ROBO1: variants seen among roughly 807,000 people sequenced by gnomAD.
The protein encoded by ROBO1 is roundabout homolog 1.
Under a neutral mutation model 195.9 loss-of-function variants are expected in ROBO1, and 149 were observed. The ratio of observed to expected loss-of-function variants is 0.76; its 90% CI spans 0.67 to 0.87. The LOEUF is 0.87. Among genes scored for constraint, ROBO1 ranks in the 40% least tolerant of loss-of-function variants. The pLI is 0.00. For missense variants in ROBO1, 1,933 were observed against 2,068.3 expected, an observed-to-expected ratio of 0.93 and a Z score of 1.27; for synonymous variants, 816 against 733.2, an observed-to-expected ratio of 1.11 and a Z score of -1.82.
At chr3:79,389,221 A>C (rs1370033404) in intron 2 of ROBO1, among the ~76,000 whole-genome samples, 3 of 152,044 alleles carry the variant, frequency 2.0e-5, no homozygotes, top group Non-Finnish European at 4.4e-5. Context: ...AAACAAACCT[A>C]ACTACACATA....
At chr3:79,538,716 G>C (rs1396705709) in intron 2 of ROBO1, among the ~76,000 whole-genome samples, 1 of 152,092 alleles carries the variant, frequency 6.6e-6, no homozygotes, top group Non-Finnish European at 1.5e-5. Flanking sequence ...TCCTACTGCT[G>C]TTTGGTTACA....
intron 4 of ROBO1, among the ~76,000 whole-genome samples, chr3:78,935,909 T>C (rs1186409112): frequency 3.3e-5 from 5 of 152,050 alleles, no homozygotes; most frequent in Non-Finnish European, 7.4e-5. Context: ...TCCAATTTTT[T>C]GACTTTATAA....
chr3:79,334,335 T>A (rs1403710568), intron 2 of ROBO1, among the ~76,000 whole-genome samples: 2 of 146,016 alleles, frequency 1.4e-5, no homozygotes, highest in African/African-American at 2.5e-5. Context: ...TATATATGTG[T>A]ATATATATGT....
intron 2 of ROBO1, among the ~76,000 whole-genome samples, chr3:79,581,241 CTT>C: frequency 6.6e-6 from 1 of 152,124 alleles, no homozygotes; most frequent in East Asian, 1.9e-4. Context: ...GTTAGCGCCT[CTT>C]TCTATTAACC....
chr3:78,963,315 AAAGTT>A (rs1175644493), intron 3 of ROBO1, among the ~76,000 whole-genome samples: 1 of 151,820 alleles, frequency 6.6e-6, no homozygotes, highest in Non-Finnish European at 1.5e-5. Flanking sequence ...AAGACAATCA[AAAGTT>A]AAGTGAAGTG....
intron 3 of ROBO1, among the ~76,000 whole-genome samples, chr3:78,982,220 T>C (rs553678138): frequency 1.2e-4 from 18 of 152,318 alleles, no homozygotes; most frequent in African/African-American, 4.3e-4. Context: ...CGGAATTACC[T>C]ACACCCCAAT....
chr3:79,120,507 G>C (rs1423542510), intron 3 of ROBO1, among the ~76,000 whole-genome samples: 1 of 152,082 alleles, frequency 6.6e-6, no homozygotes, highest in African/African-American at 2.4e-5. Flanking sequence ...ATGCTTTCTG[G>C]AGGACAGGCT....
At chr3:78,883,806 C>G (rs2036332173) in intron 4 of ROBO1, among the ~76,000 whole-genome samples, 1 of 152,126 alleles carries the variant, frequency 6.6e-6, no homozygotes, top group African/African-American at 2.4e-5. Context: ...TATCTGACAT[C>G]TAAAGTTTTT....
rs184707689 is a variant in ROBO1 at position 79,417,311 on chromosome 3, G to T, written c.88+172513C>A. ...TGCAGCCTGTGGAGAGGCTCACATA[G>T]CAAGAAACTGAGGGTTAGTCCACTA... On this transcript the variant is annotated intron_variant, in intron 2 of 30. Coordinates refer to ENST00000464233, the MANE Select transcript of ROBO1 (RefSeq NM_002941.4). Among the ~76,000 whole-genome samples, 435 of 152,186 alleles carry T rather than the reference G, an allele frequency of 2.9e-3. 2 individuals carry two copies. Among genetic ancestry groups the T allele is most frequent in the African/African-American group, 9.1e-3 (377 of 41,540 alleles).
At chr3:79,717,933 T>C (rs895756812) in intron 1 of ROBO1, among the ~76,000 whole-genome samples, 1 of 152,010 alleles carries the variant, frequency 6.6e-6, no homozygotes, top group African/African-American at 2.4e-5. Flanking sequence ...TTTTTGATTT[T>C]TGGACAGTCC....
chr3:79,071,153 T>G (rs2079081335), intron 3 of ROBO1, among the ~76,000 whole-genome samples: 1 of 151,852 alleles, frequency 6.6e-6, no homozygotes. Context: ...GTATAATAGA[T>G]CTCCTGACCT....
At position 78,962,204 on chromosome 3, in the gene ROBO1, AAAG is replaced by A. The variant is rs777156412; in HGVS notation, c.173-23280_173-23278del. 5.9e-5 allele frequency among the ~76,000 whole-genome samples: 9 copies of A among 152,282 alleles called. No homozygotes were observed. In the East Asian group the frequency reaches 9.7e-4, roughly 16 times the overall value. On this transcript the variant is annotated intron_variant, in intron 3 of 30. Transcript: ENST00000464233. ...AGTAAAACTTTCCATAAAAGACACT[AAAG>A]AAGAGATGTTCTTTGCCTGTTCAGG...
Position 78,717,769 on chromosome 3 carries a change from C to G in ROBO1, c.772G>C (p.Val258Leu). The change falls in exon 6 of 31, where the codon GTC (valine) becomes CTC (leucine). Residue 258 changes from valine (V) to leucine (L), a missense_variant. By Grantham distance (32) the Val-to-Leu change is conservative (BLOSUM62 1). Around this residue, in one of 3 missense-constraint regions of ROBO1, gnomAD observed 1,737 missense variants for 1,882.5 expected, o/e 0.92. Coordinates refer to ENST00000464233, the MANE Select transcript of ROBO1 (RefSeq NM_002941.4). Reference protein sequence around the residue: ...ERESEVAELTVLERPSFVKRP... With the variant: ...ERESEVAELTLLERPSFVKRP... ...TAAATAAAATTACACTTACCTAAGA[C>G]AGTCAGCTCGGCTACTTCACTCTCA... The G allele has an allele frequency of 6.2e-7, 1 of 1,613,278 alleles. No individual in the cohort carries two copies. Among genetic ancestry groups the G allele is most frequent in the Non-Finnish European group, 8.5e-7 (1 of 1,179,590 alleles).
chr3:79,291,506 C>A (rs533634653), intron 2 of ROBO1, among the ~76,000 whole-genome samples: 1 of 152,246 alleles, frequency 6.6e-6, no homozygotes, highest in Non-Finnish European at 1.5e-5. Flanking sequence ...AAATTTGGAA[C>A]TTCTTCAACA....
In ROBO1 at chr3:79,681,822, C is replaced by T. The variant is rs542611342; in HGVS notation, c.-51+85930G>A. On this transcript the variant is annotated intron_variant, in intron 1 of 30. Coordinates refer to ENST00000464233, the MANE Select transcript of ROBO1 (RefSeq NM_002941.4). ...AGACAACAAAACAGACAATGGATAT[C>T]ATTCAGAAAAATCATAAAAATAGTT... 2.0e-5 allele frequency among the ~76,000 whole-genome samples: 3 copies of T among 152,028 alleles called. No individual in the cohort carries two copies. The South Asian group carries it at 6.2e-4, about 32-fold the overall frequency.
At chr3:79,158,434 T>G (rs2080896213) in intron 2 of ROBO1, among the ~76,000 whole-genome samples, 1 of 151,626 alleles carries the variant, frequency 6.6e-6, no homozygotes, top group African/African-American at 2.4e-5. Context: ...TATGTAGAAA[T>G]TATTATGTCA....
At chr3:79,598,057 A>C (rs963374034) in intron 1 of ROBO1, among the ~76,000 whole-genome samples, 3 of 152,100 alleles carry the variant, frequency 2.0e-5, no homozygotes, top group African/African-American at 4.8e-5. Flanking sequence ...AGGATACAGA[A>C]AATTTTAAAC....
intron 5 of ROBO1, among the ~76,000 whole-genome samples, chr3:78,727,443 G>A (rs951300609): frequency 7.2e-5 from 11 of 152,120 alleles, no homozygotes; most frequent in African/African-American, 1.7e-4. Context: ...TGGCTAACAC[G>A]GTGAAACCCT....
chr3:78,710,471 A>T (rs9846548), intron 8 of ROBO1, among the ~76,000 whole-genome samples: 146,916 of 152,316 alleles, frequency 0.96, 70,873 homozygotes, highest in African/African-American at 0.98. Context: ...CTATTTTTCT[A>T]ACCACCTAAT....
Sources: gnomAD v4.1 joint callset for allele counts (sites outside exome capture counted in the v4.1 genomes callset) on GRCh38, gnomAD v4.1.1 for gene constraint, gnomAD v4.1.1 regional missense constraint, MANE v1.5 for transcripts, NCBI Gene and HGNC (gene_info 2026-07-23, HGNC 2026-07-21) for gene names.